Variants in CACHD1 observed in about 807,000 individuals in gnomAD.
CACHD1 encodes the protein cache domain containing 1.
Under a neutral mutation model 138.7 loss-of-function variants are expected in CACHD1, and 71 were observed. The observed-to-expected ratio is 0.51, with a 90% CI of 0.42 to 0.62. CACHD1 has a LOEUF of 0.62. Among genes scored for constraint, CACHD1 ranks in the 20% least tolerant of loss-of-function variants. The pLI is 0.00. For synonymous variants in CACHD1, 578 were observed against 591.5 expected, an observed-to-expected ratio of 0.98 and a Z score of 0.33; for missense variants, 1,389 against 1,625.3, an observed-to-expected ratio of 0.85 and a Z score of 2.50.
chr1:64,492,385 A>ATTTTTTTTTTTTTTTTTT, intron 1 of CACHD1, among the ~76,000 whole-genome samples: 1 of 138,810 alleles, frequency 7.2e-6, no homozygotes, highest in East Asian at 2.2e-4. Flanking sequence ...GGGTCCCCCT[A>ATTTTTTTTTTTTTTTTTT]TTGTTTTCTT....
At chr1:64,525,855 T>G (rs1449175607) in intron 1 of CACHD1, among the ~76,000 whole-genome samples, 2 of 152,232 alleles carry the variant, frequency 1.3e-5, no homozygotes, top group Admixed American at 1.3e-4. Flanking sequence ...AATTTTCATG[T>G]GGTTATGAAA....
chr1:64,639,414 T>C (rs961404281), intron 7 of CACHD1, among the ~76,000 whole-genome samples: 1 of 152,252 alleles, frequency 6.6e-6, no homozygotes, highest in African/African-American at 2.4e-5. Flanking sequence ...GACAAGAATA[T>C]TCCTAAAGTG....
At position 64,691,812 on chromosome 1, in the gene CACHD1, A is replaced by G. The variant is rs1650568803; in HGVS notation, c.*251A>G. ...AAGCCTGATGAACAGACCTGCCATA[A>G]CACTAATGGAAGGTAACAGAAGGCG... On this transcript the variant is annotated 3_prime_UTR_variant, in exon 27 of 27. Coordinates refer to ENST00000651257, the MANE Select transcript of CACHD1 (RefSeq NM_020925.4). 1 of 493,734 alleles carries G rather than the reference A, an allele frequency of 2.0e-6. No homozygotes were observed. Among genetic ancestry groups the G allele is most frequent in the Non-Finnish European group, 3.7e-6 (1 of 272,190 alleles). The allele number at this position is 493,734 out of a possible 1,614,324, so 30.6% of individuals were successfully genotyped here.
At chr1:64,548,964 C>T (rs560947083) in intron 1 of CACHD1, among the ~76,000 whole-genome samples, 3 of 152,204 alleles carry the variant, frequency 2.0e-5, no homozygotes, top group Admixed American at 1.3e-4. Context: ...GAGTTAGGAG[C>T]GCCAGATCTG....
At chr1:64,616,009 G>A (rs369302854) in intron 4 of CACHD1, among the ~76,000 whole-genome samples, 31 of 152,240 alleles carry the variant, frequency 2.0e-4, no homozygotes, top group Non-Finnish European at 4.0e-4. Flanking sequence ...TGGTATTGAC[G>A]TGGCTTAACA....
At chr1:64,505,366 A>G (rs1570311866) in intron 1 of CACHD1, among the ~76,000 whole-genome samples, 1 of 148,066 alleles carries the variant, frequency 6.8e-6, no homozygotes, top group Non-Finnish European at 1.5e-5. Flanking sequence ...AACTGTCACT[A>G]TGCTGCGAGG....
chr1:64,512,141 C>G (rs1219247940), intron 1 of CACHD1, among the ~76,000 whole-genome samples: 2 of 152,120 alleles, frequency 1.3e-5, no homozygotes, highest in Non-Finnish European at 2.9e-5. Context: ...AGCCCGTAAT[C>G]CCAGCACTTT....
At chr1:64,493,538 C>T (rs1646290256) in intron 1 of CACHD1, among the ~76,000 whole-genome samples, 3 of 152,164 alleles carry the variant, frequency 2.0e-5, no homozygotes, top group South Asian at 4.1e-4. Flanking sequence ...TCTCTTCTTA[C>T]AACTTAGAGG....
Position 64,511,445 on chromosome 1 carries a change from G to A in CACHD1, c.199-39149G>A, listed in dbSNP as rs1346826238. Among the ~76,000 whole-genome samples the A allele has an allele frequency of 5.3e-5, 8 of 152,100 alleles. No homozygotes were observed. The East Asian group carries it at 1.3e-3, about 26-fold the overall frequency. On this transcript the variant is annotated intron_variant, in intron 1 of 26. Coordinates refer to ENST00000651257, the MANE Select transcript of CACHD1 (RefSeq NM_020925.4). ...CAGAGAAAGGAGTAGGAATTGCCTA[G>A]GAAAATAAACAACCATCAGGTTCCA...
At chr1:64,610,966 G>T (rs11208482) in intron 4 of CACHD1, among the ~76,000 whole-genome samples, 1 of 152,126 alleles carries the variant, frequency 6.6e-6, no homozygotes, top group African/African-American at 2.4e-5. Flanking sequence ...CCAAACCTCG[G>T]CTCTTGTCGC....
chr1:64,582,417 T>TC, intron 3 of CACHD1, 113 bp downstream of exon 3: 1 of 953,454 alleles, frequency 1.0e-6, no homozygotes. Flanking sequence ...GTAGCTTGTT[T>TC]CCCACTATTT....
chr1:64,521,933 G>C (rs1049091129), intron 1 of CACHD1, among the ~76,000 whole-genome samples: 1 of 151,826 alleles, frequency 6.6e-6, no homozygotes, highest in Admixed American at 6.6e-5. Context: ...TTAATTTCTT[G>C]ATGGCATCCT....
chr1:64,476,750 G>C (rs1646176464), intron 1 of CACHD1, among the ~76,000 whole-genome samples: 1 of 152,130 alleles, frequency 6.6e-6, no homozygotes, highest in African/African-American at 2.4e-5. Context: ...CTTATTCCTT[G>C]TGCTTATTAT....
In CACHD1 at chr1:64,520,059, G is replaced by C. The variant is rs953458824; in HGVS notation, c.199-30535G>C. ...CCAGCTGTCTTCTTTTAGTTGTTCT[G>C]CTCACCACTTTGCATGAAAGCTGTA... On this transcript the variant is annotated intron_variant, in intron 1 of 26. Coordinates refer to ENST00000651257, the MANE Select transcript of CACHD1 (RefSeq NM_020925.4). 3.3e-5 allele frequency among the ~76,000 whole-genome samples: 5 copies of C among 152,254 alleles called. No individual in the cohort carries two copies. The South Asian group carries it at 8.3e-4, about 25-fold the overall frequency.
At chr1:64,501,733 G>A (rs1646341756) in intron 1 of CACHD1, among the ~76,000 whole-genome samples, 2 of 152,134 alleles carry the variant, frequency 1.3e-5, no homozygotes, top group Admixed American at 6.5e-5. Flanking sequence ...GTAGAAGGAT[G>A]GCTATTCCAC....
rs147477300 is a variant in CACHD1 at position 64,591,067 on chromosome 1, G to A, written c.410+8763G>A. On this transcript the variant is annotated intron_variant, in intron 3 of 26. Coordinates refer to ENST00000651257, the MANE Select transcript of CACHD1 (RefSeq NM_020925.4). ...AAACTGGAGCCATTTGCCATTATAG[G>A]CAACTTTTCCTACTGCTCAAATTAA... Among the ~76,000 whole-genome samples, 999 of 152,248 alleles carry A rather than the reference G, an allele frequency of 6.6e-3. 12 individuals are homozygous for A. Among genetic ancestry groups the A allele is most frequent in the African/African-American group, 0.023 (962 of 41,534 alleles).
intron 15 of CACHD1, 91 bp downstream of exon 15, chr1:64,664,770 T>TA: frequency 1.8e-6 from 2 of 1,128,550 alleles, no homozygotes; most frequent in Non-Finnish European, 2.5e-6. Context: ...TTCAGGGCAT[T>TA]AAACTAAAGA....
At chr1:64,636,992 A>G (rs974761200) in intron 7 of CACHD1, among the ~76,000 whole-genome samples, 2 of 152,184 alleles carry the variant, frequency 1.3e-5, no homozygotes, top group African/African-American at 4.8e-5. Context: ...TCAGCTATCC[A>G]CAAGCCAATA....
chr1:64,660,566 T>C (rs1025441509), intron 13 of CACHD1, among the ~76,000 whole-genome samples: 38 of 152,090 alleles, frequency 2.5e-4, no homozygotes, highest in Non-Finnish European at 3.8e-4. Context: ...GTTTTGCTCT[T>C]GTCACCCAGA....
Sources: gnomAD v4.1 joint callset for allele counts (sites outside exome capture counted in the v4.1 genomes callset) on GRCh38, gnomAD v4.1.1 for gene constraint, MANE v1.5 for transcripts, NCBI Gene and HGNC (gene_info 2026-07-23, HGNC 2026-07-21) for gene names.